The following CD226 variants were observed in gnomAD, a reference collection of about 807,000 sequenced individuals.
The protein encoded by CD226 is CD226 antigen.
Under a neutral mutation model 34.9 loss-of-function variants are expected in CD226, and 24 were observed. The ratio of observed to expected loss-of-function variants is 0.69; its 90% CI spans 0.50 to 0.97. The LOEUF is 0.97. Among genes scored for constraint, CD226 ranks in the 50% least tolerant of loss-of-function variants. The pLI, the probability that CD226 is intolerant of heterozygous loss-of-function variation, is 0.00. For missense variants in CD226, 397 were observed against 412.7 expected (o/e 0.96, Z 0.33); for synonymous variants, 148 against 147.4 (o/e 1.00, Z -0.03).
At chr18:69,931,229 T>C (rs775591160) in intron 2 of CD226, among the ~76,000 whole-genome samples, 3 of 151,036 alleles carry the variant, frequency 2.0e-5, no homozygotes, top group African/African-American at 4.9e-5. Flanking sequence ...CCAGGAACTG[T>C]TGTGGGGTGG....
At chr18:69,913,695 G>T (rs2055353124) in intron 2 of CD226, among the ~76,000 whole-genome samples, 1 of 152,198 alleles carries the variant, frequency 6.6e-6, no homozygotes, top group Admixed American at 6.5e-5. Context: ...GGCAGGAGAA[G>T]TCTCTGCAGG....
chr18:69,893,716 T>TC (rs953517316), intron 3 of CD226, among the ~76,000 whole-genome samples: 6 of 152,170 alleles, frequency 3.9e-5, no homozygotes, highest in Admixed American at 6.5e-5. Flanking sequence ...TAATTTTTCC[T>TC]CCCCCAAATA....
rs558593252 is a variant in CD226 at position 69,864,393 on chromosome 18, T to C, written c.932A>G (p.Asn311Ser). ...CTCTCTTGTATCATCCATGGATTGA[T>C]TGGTAGGTTGACTGGTAGAGATGGG... ...RSPISTSQPTNQSMDDTREDI... is the reference protein window; with the variant it reads ...RSPISTSQPTSQSMDDTREDI... Residue 311 changes from asparagine (N) to serine (S), a missense_variant, in exon 6 of 6, where the codon AAT becomes AGT. Transcript: ENST00000582621. The C allele has an allele frequency of 2.7e-5, 43 of 1,613,456 alleles. No individual in the cohort carries two copies. Among genetic ancestry groups the C allele is most frequent in the African/African-American group, 1.5e-4 (11 of 75,018 alleles).
chr18:69,921,043 C>T (rs553790776), intron 2 of CD226, among the ~76,000 whole-genome samples: 6 of 152,236 alleles, frequency 3.9e-5, no homozygotes, highest in South Asian at 4.1e-4. Context: ...TTCTTCATGC[C>T]GAGGCAATGA....
upstream of CD226, among the ~76,000 whole-genome samples, chr18:69,948,634 TTG>T (rs1334821324): frequency 2.6e-5 from 4 of 152,214 alleles, no homozygotes; most frequent in African/African-American, 7.2e-5. Flanking sequence ...TGGTGTCACC[TTG>T]TGTTTATATG....
At chr18:69,954,972 T>C (rs2055884294) in intron 1 of CD226, among the ~76,000 whole-genome samples, 1 of 152,158 alleles carries the variant, frequency 6.6e-6, no homozygotes, top group African/African-American at 2.4e-5. Flanking sequence ...AATAGAGCTG[T>C]CTGTATAAAA....
intron 2 of CD226, among the ~76,000 whole-genome samples, chr18:69,901,846 T>C (rs1318433221): frequency 6.7e-6 from 1 of 149,562 alleles, no homozygotes; most frequent in East Asian, 2.0e-4. Context: ...ACCACTGCAC[T>C]CCAGCCTGGG....
At chr18:69,943,673 A>C (rs1748025505) in intron 2 of CD226, among the ~76,000 whole-genome samples, 1 of 152,188 alleles carries the variant, frequency 6.6e-6, no homozygotes, top group Admixed American at 6.5e-5. Flanking sequence ...TGACAGTTAC[A>C]TCAATTTGCA....
intron 3 of CD226, among the ~76,000 whole-genome samples, chr18:69,893,852 T>C (rs1598979791): frequency 6.6e-6 from 1 of 152,238 alleles, no homozygotes; most frequent in African/African-American, 2.4e-5. Context: ...TGTTATTCCC[T>C]GAAAATGCTC....
chr18:69,917,559 G>A (rs1013773714), intron 2 of CD226, among the ~76,000 whole-genome samples: 2 of 152,206 alleles, frequency 1.3e-5, no homozygotes, highest in Non-Finnish European at 2.9e-5. Context: ...CCTAAGATAT[G>A]CCTCTTGTGC....
At chr18:69,910,782 T>C (rs75444213) in intron 2 of CD226, among the ~76,000 whole-genome samples, 6,467 of 152,288 alleles carry the variant, frequency 0.042, 482 homozygotes, top group African/African-American at 0.15. Context: ...TACTAGTTTT[T>C]CCACTTTTCT....
intron 3 of CD226, among the ~76,000 whole-genome samples, chr18:69,893,536 T>C (rs888114883): frequency 1.3e-5 from 2 of 152,260 alleles, no homozygotes; most frequent in African/African-American, 4.8e-5. Context: ...ATGACACTTT[T>C]CTGAATAGAA....
At chr18:69,882,237 C>A (rs577526403) in intron 3 of CD226, among the ~76,000 whole-genome samples, 1 of 152,230 alleles carries the variant, frequency 6.6e-6, no homozygotes, top group East Asian at 1.9e-4. Context: ...CAAATTATAG[C>A]AAAATTAGTA....
At position 69,860,838 on chromosome 18, in the gene CD226, T is replaced by C. The variant is rs1271776540; in HGVS notation, c.*3476A>G. On this transcript the variant is annotated 3_prime_UTR_variant, in exon 6 of 6. Coordinates refer to ENST00000582621, the MANE Select transcript of CD226 (RefSeq NM_001303618.2). ...TCACTGTTGTGAAAAAGAAACTTTG[T>C]ACTCACAATTTAGCGTCTCCACTTA... The C allele has an allele frequency of 6.6e-6, 1 of 152,172 alleles. No homozygotes were observed. Among genetic ancestry groups the C allele is most frequent in the African/African-American group, 2.4e-5 (1 of 41,460 alleles). 9.4% of individuals were successfully genotyped at this position (152,172 alleles called of 1,614,324 possible). A position where few individuals can be genotyped will look rare whatever the true frequency, so the allele number is the denominator to read the frequency against.
rs1982802271 is a variant in CD226, at chr18:69,861,294, A to T, written c.*3020T>A. On this transcript the variant is annotated 3_prime_UTR_variant, in exon 6 of 6. Transcript: ENST00000582621. ...GAAATTTCTATTTTATTTTCTCAACATATTATACCTAAAGTTCTTTAAATA... is the reference window on the plus strand; with the variant it reads ...GAAATTTCTATTTTATTTTCTCAACTTATTATACCTAAAGTTCTTTAAATA... 1 of 151,582 alleles carries T rather than the reference A, an allele frequency of 6.6e-6. No individual in the cohort carries two copies. The highest frequency in any genetic ancestry group is 2.1e-4 in the South Asian group (1 of 4,810). 9.4% of individuals were successfully genotyped at this position (151,582 alleles called of 1,614,324 possible).
chr18:69,895,954 CCACGT>C lies in CD226; in HGVS notation c.469_473del (p.Thr157AlafsTer86), dbSNP rs1249873950. 5.6e-6 allele frequency: 9 copies of C among 1,613,974 alleles called. No homozygotes were observed. The Admixed American group carries it at 1.5e-4, about 27-fold the overall frequency. On this transcript the variant is annotated frameshift_variant, in exon 3 of 6. Coordinates refer to ENST00000582621, the MANE Select transcript of CD226 (RefSeq NM_001303618.2). LOFTEE classifies it high-confidence loss of function. ...TTTCCCACCTCACTGCCTGCACAGG[CCACGT>C]CATCTGAGGCTGACAAGTGAGTGTG...
upstream of CD226, among the ~76,000 whole-genome samples, chr18:69,949,934 C>A (rs2055835075): frequency 6.6e-6 from 1 of 151,772 alleles, no homozygotes; most frequent in Non-Finnish European, 1.5e-5. Context: ...AAACACACAT[C>A]CACACACACG....
At chr18:69,867,507 T>C in intron 4 of CD226, 96 bp from the exon 5 acceptor site, 4 of 773,462 alleles carry the variant, frequency 5.2e-6, no homozygotes, top group Non-Finnish European at 4.5e-6. Flanking sequence ...CTAGCCCACA[T>C]GCACCTTCTA....
intron 3 of CD226, among the ~76,000 whole-genome samples, chr18:69,879,510 C>G (rs1568164157): frequency 6.6e-6 from 1 of 151,734 alleles, no homozygotes; most frequent in Non-Finnish European, 1.5e-5. Context: ...TCCTGACTGG[C>G]CTACAGGCAG....
Sources: allele counts gnomAD v4.1 joint callset (sites outside exome capture counted in the v4.1 genomes callset), GRCh38; gene constraint gnomAD v4.1.1; transcripts MANE v1.5; gene names NCBI Gene and HGNC (gene_info 2026-07-23, HGNC 2026-07-21).